RUSC2: variants seen among roughly 807,000 people sequenced by gnomAD.
The protein encoded by RUSC2 is AP-4 complex accessory subunit RUSC2.
In RUSC2, 34 loss-of-function variants were observed where a neutral mutation model predicts 122.2. That is an observed-to-expected ratio of 0.28 (90% CI 0.21 to 0.37). The LOEUF (loss-of-function observed/expected upper bound fraction) is 0.37. RUSC2 is among the 10% of genes least tolerant of loss of function. RUSC2 has a pLI of 1.00. For synonymous variants in RUSC2, 784 were observed against 790.0 expected (o/e 0.99, Z 0.13); for missense variants, 1,747 against 1,952.4 (o/e 0.89, Z 1.98).
At position 35,555,429 on chromosome 9, in the gene RUSC2, C is replaced by T; in HGVS notation, c.2384C>T (p.Ser795Phe). 1.9e-6 allele frequency: 3 copies of T among 1,614,262 alleles called. No individual in the cohort carries two copies. Among genetic ancestry groups the T allele is most frequent in the Non-Finnish European group, 2.5e-6 (3 of 1,180,044 alleles). Residue 795 changes from serine to phenylalanine, a missense_variant, in exon 3 of 12, where the codon TCT (serine) becomes TTT (phenylalanine). Ser to Phe is a radical substitution (Grantham distance 155). Transcript: ENST00000361226. This position sits in a 1 kb window ranked among gnomAD's most constrained non-coding sequence, Gnocchi z 4.6. The stretch of plus-strand genomic sequence containing the variant: ...GGCCCCTTTGGGCCCAGCACTGACT[C>T]TTCTGCCTCCACTTCGTGCTCCCCT... ...SVGPFGPSTD[S>F]SASTSCSPPP...
At chr9:35,516,595 C>G (rs1026327397) in intron 1 of RUSC2, among the ~76,000 whole-genome samples, 1 of 152,166 alleles carries the variant, frequency 6.6e-6, no homozygotes, top group Non-Finnish European at 1.5e-5. Context: ...GGGAAATTAG[C>G]CAGTCTGTCA....
chr9:35,550,723 G>A (rs1336610773), intron 2 of RUSC2, among the ~76,000 whole-genome samples: 1 of 152,168 alleles, frequency 6.6e-6, no homozygotes, highest in Non-Finnish European at 1.5e-5. Flanking sequence ...AGGGGATACT[G>A]TGACTTAAGG....
chr9:35,532,613 G>T (rs1821442026), intron 1 of RUSC2, among the ~76,000 whole-genome samples: 2 of 152,128 alleles, frequency 1.3e-5, no homozygotes, highest in Non-Finnish European at 2.9e-5. Flanking sequence ...GGGTGTGGTG[G>T]CATGCACCTG....
Position 35,560,991 on chromosome 9 carries a change from T to C in RUSC2, c.4243T>C (p.Ser1415Pro). Residue 1415 changes from serine to proline, a missense_variant, in exon 11 of 12, where the codon TCC (serine) becomes CCC (proline). Physicochemically the swap from Ser to Pro is moderately conservative, Grantham distance 74. Coordinates refer to ENST00000361226, the MANE Select transcript of RUSC2 (RefSeq NM_014806.5). ...CTCGGACTGGCTGAGCCTGGACAAG[T>C]CCATGTTCCAACTAGTGGCGCAGAC... ...LPSDWLSLDKSMFQLVAQTVG... is the reference protein window; with the variant it reads ...LPSDWLSLDKPMFQLVAQTVG... 4 of 1,614,110 alleles carry C rather than the reference T, an allele frequency of 2.5e-6. No homozygotes were observed. Among genetic ancestry groups the C allele is most frequent in the Non-Finnish European group, 3.4e-6 (4 of 1,179,998 alleles).
At chr9:35,520,939 G>A (rs1052954383) in intron 1 of RUSC2, among the ~76,000 whole-genome samples, 2 of 152,100 alleles carry the variant, frequency 1.3e-5, no homozygotes, top group Non-Finnish European at 2.9e-5. Flanking sequence ...GTCTGTCAAG[G>A]TAGGAACCAA....
rs897544638 is a variant in RUSC2 at position 35,558,623 on chromosome 9, G to A, written c.3341+56G>A. On this transcript the variant is annotated intron_variant, in intron 8 of 11. Coordinates refer to ENST00000361226, the MANE Select transcript of RUSC2 (RefSeq NM_014806.5). This position sits in a 1 kb window ranked among gnomAD's most constrained non-coding sequence, Gnocchi z 4.3. The stretch of plus-strand genomic sequence containing the variant: ...ACAACTTGCCCTGCCCCCCACCCCC[G>A]GGCTCTGCCTGCACCAAGGAAACAA... 1.3e-5 allele frequency: 18 copies of A among 1,422,406 alleles called. No individual in the cohort carries two copies. The highest frequency in any genetic ancestry group is 6.9e-5 in the South Asian group (6 of 87,192). 88.1% of individuals were successfully genotyped at this position (1,422,406 alleles called of 1,614,324 possible). A position where few individuals can be genotyped will look rare whatever the true frequency, so the allele number is the denominator to read the frequency against.
intron 1 of RUSC2, among the ~76,000 whole-genome samples, chr9:35,518,551 T>C (rs1231867433): frequency 6.6e-6 from 1 of 152,302 alleles, no homozygotes; most frequent in East Asian, 1.9e-4. Flanking sequence ...TTCCAGATAC[T>C]GTAGTCAAAG....
intron 1 of RUSC2, among the ~76,000 whole-genome samples, chr9:35,520,058 A>G (rs1821183463): frequency 6.6e-6 from 1 of 152,234 alleles, no homozygotes; most frequent in Non-Finnish European, 1.5e-5. Context: ...ACAAAAATAT[A>G]TAAGTTACTC....
chr9:35,541,708 GT>G (rs1337164466), intron 1 of RUSC2, among the ~76,000 whole-genome samples: 1 of 151,892 alleles, frequency 6.6e-6, no homozygotes, highest in African/African-American at 2.4e-5. Flanking sequence ...GCCTCCCAAA[GT>G]GCTGGGATTA....
At chr9:35,495,216 A>G (rs891831373) in intron 1 of RUSC2, among the ~76,000 whole-genome samples, 11 of 26,696 alleles carry the variant, frequency 4.1e-4, no homozygotes, top group African/African-American at 1.1e-3. Flanking sequence ...TATTATATAT[A>G]AAGTATATAT....
At chr9:35,516,214 A>G (rs973747401) in intron 1 of RUSC2, among the ~76,000 whole-genome samples, 2 of 152,038 alleles carry the variant, frequency 1.3e-5, no homozygotes, top group Admixed American at 6.6e-5. Context: ...CTTCTATAGC[A>G]GTTTGCCACC....
At position 35,546,513 on chromosome 9, in the gene RUSC2, C is replaced by T. The variant is rs1323540235; in HGVS notation, c.-9C>T. The T allele has an allele frequency of 7.1e-7, 1 of 1,408,926 alleles. No individual in the cohort carries two copies. The highest frequency in any genetic ancestry group is 9.3e-7 in the Non-Finnish European group (1 of 1,076,812). The allele number at this position is 1,408,926 out of a possible 1,614,324, so 87.3% of individuals were successfully genotyped here. A position where few individuals can be genotyped will look rare whatever the true frequency, so the allele number is the denominator to read the frequency against. On this transcript the variant is annotated 5_prime_UTR_variant, in exon 2 of 12. Coordinates refer to ENST00000361226, the MANE Select transcript of RUSC2 (RefSeq NM_014806.5). This position sits in a 1 kb window ranked among gnomAD's most constrained non-coding sequence, Gnocchi z 4.3. ...GGTGCTGTTGAAGCCCTTATTCGAA[C>T]TTTCCAGAATGGATAGTCCCCCAAA... is the stretch of plus-strand genomic sequence containing the variant.
In RUSC2 at chr9:35,558,045, G is replaced by A. The variant is rs368112598; in HGVS notation, c.3060+55G>A. The A allele has an allele frequency of 6.5e-5, 103 of 1,586,574 alleles. No individual in the cohort carries two copies. The highest frequency in any genetic ancestry group is 1.8e-4 in the East Asian group (8 of 44,730). ...CTGCCTGCAAGCCCTCACCTGTCCC[G>A]CGCTACCACCTTCCCTTGCTGTCTT... On this transcript the variant is annotated intron_variant, in intron 6 of 11. Transcript: ENST00000361226. The surrounding 1 kb of genome is among the most constrained non-coding windows in gnomAD (Gnocchi z 4.3).
At chr9:35,543,470 T>C (rs1019572598) in intron 1 of RUSC2, among the ~76,000 whole-genome samples, 46 of 152,188 alleles carry the variant, frequency 3.0e-4, no homozygotes, top group African/African-American at 1.1e-3. Context: ...GGGTATTTAT[T>C]ACATACAAAT....
chr9:35,514,099 T>G (rs1821060744), intron 1 of RUSC2, among the ~76,000 whole-genome samples: 1 of 151,968 alleles, frequency 6.6e-6, no homozygotes, highest in African/African-American at 2.4e-5. Flanking sequence ...TCCCAGACAC[T>G]GCTAGGTTCT....
intron 1 of RUSC2, among the ~76,000 whole-genome samples, chr9:35,495,347 G>A (rs532836173): frequency 7.0e-6 from 1 of 143,740 alleles, no homozygotes; most frequent in African/African-American, 2.6e-5. Flanking sequence ...ATTTTTGTAT[G>A]TAATGTAAGA....
Position 35,558,590 on chromosome 9 carries a change from T to G in RUSC2, c.3341+23T>G. 2 of 1,592,666 alleles carry G rather than the reference T, an allele frequency of 1.3e-6. No individual in the cohort carries two copies. Among genetic ancestry groups the G allele is most frequent in the Non-Finnish European group, 1.7e-6 (2 of 1,160,692 alleles). The stretch of plus-strand genomic sequence containing the variant: ...CAAGTGAGTGCACAGAGCAGCAAGA[T>G]CCCCTAAACAACTTGCCCTGCCCCC... On this transcript the variant is annotated intron_variant, in intron 8 of 11. Transcript: ENST00000361226. This position sits in a 1 kb window ranked among gnomAD's most constrained non-coding sequence, Gnocchi z 4.3.
rs374631266 is a variant in RUSC2 at position 35,547,395 on chromosome 9, C to T, written c.874C>T (p.His292Tyr). ...CTTCAGCACCCTCTACAACAAGATG[C>T]ATGGCACCCCCCGTGCCAATCTCAA... ...VTFSTLYNKMHGTPRANLNSA... is the reference protein window; with the variant it reads ...VTFSTLYNKMYGTPRANLNSA... The change falls in exon 2 of 12, where the codon CAT (histidine) becomes TAT (tyrosine). Residue 292 changes from histidine to tyrosine, a missense_variant. Transcript: ENST00000361226. The surrounding 1 kb of genome is among the most constrained non-coding windows in gnomAD (Gnocchi z 4.6). 36 of 1,614,074 alleles carry T rather than the reference C, an allele frequency of 2.2e-5. No homozygotes were observed. Among genetic ancestry groups the T allele is most frequent in the Non-Finnish European group, 3.1e-5 (36 of 1,180,036 alleles).
rs1477910773 is a variant in RUSC2 at position 35,555,308 on chromosome 9, C to T, written c.2263C>T (p.Pro755Ser). 2.5e-6 allele frequency: 4 copies of T among 1,613,958 alleles called. No homozygotes were observed. The highest frequency in any genetic ancestry group is 1.7e-5 in the Admixed American group (1 of 60,014). ...CTCAGGGGAACCGCAGGCATCCACTCCCCGAGCCACTGGCAGAGGTGCCAG... is the reference window on the plus strand; with the variant it reads ...CTCAGGGGAACCGCAGGCATCCACTTCCCGAGCCACTGGCAGAGGTGCCAG... ...APSGEPQASTPRATGRGARKA... is the reference protein window; with the variant it reads ...APSGEPQASTSRATGRGARKA... Residue 755 changes from proline to serine, a missense_variant, in exon 3 of 12, where the codon CCC becomes TCC. Physicochemically the swap from Pro to Ser is moderately conservative, Grantham distance 74. Coordinates refer to ENST00000361226, the MANE Select transcript of RUSC2 (RefSeq NM_014806.5). This position sits in a 1 kb window ranked among gnomAD's most constrained non-coding sequence, Gnocchi z 4.6.
Sources: gnomAD v4.1 joint callset for allele counts (sites outside exome capture counted in the v4.1 genomes callset) on GRCh38, gnomAD v4.1.1 for gene constraint, Gnocchi (gnomAD v3.1) non-coding constraint, MANE v1.5 for transcripts, NCBI Gene and HGNC (gene_info 2026-07-23, HGNC 2026-07-21) for gene names.